Variants in DRAXIN observed in about 807,000 individuals in gnomAD.
DRAXIN encodes dorsal repulsive axon guidance protein.
In DRAXIN, 27 loss-of-function variants were observed where a neutral mutation model predicts 33.9. The ratio of observed to expected loss-of-function variants is 0.80; its 90% CI spans 0.59 to 1.10. The LOEUF is 1.10. Among genes scored for constraint, DRAXIN ranks in the 50% least tolerant of loss-of-function variants. The pLI is 0.00. For synonymous variants in DRAXIN, 178 were observed against 194.0 expected, an observed-to-expected ratio of 0.92 and a Z score of 0.69; for missense variants, 371 against 460.8, an observed-to-expected ratio of 0.81 and a Z score of 1.78.
intron 1 of DRAXIN, among the ~76,000 whole-genome samples, chr1:11,698,718 A>G (rs1462702545): frequency 6.6e-6 from 1 of 152,164 alleles, no homozygotes; most frequent in South Asian, 2.1e-4. Flanking sequence ...TTAGCCTGGC[A>G]TGATGGTTTG....
rs929967478 is a variant in DRAXIN at position 11,721,329 on chromosome 1, C to A, written c.*1633C>A. 1.3e-5 allele frequency: 2 copies of A among 152,204 alleles called. No individual in the cohort carries two copies. The highest frequency in any genetic ancestry group is 4.8e-5 in the African/African-American group (2 of 41,430). The allele number at this position is 152,204 out of a possible 1,614,324, so 9.4% of individuals were successfully genotyped here. ...ACAGGCCAGACTCACAATGCCCACC[C>A]AGGACATCTGTCCCAGCAGATCTGG... On this transcript the variant is annotated 3_prime_UTR_variant, in exon 7 of 7. Transcript: ENST00000294485.
rs565872833 is a variant in DRAXIN at position 11,707,076 on chromosome 1, C to A, written c.451+367C>A. 5.9e-5 allele frequency among the ~76,000 whole-genome samples: 9 copies of A among 152,276 alleles called. No individual in the cohort carries two copies. In the East Asian group the frequency reaches 1.7e-3, roughly 29 times the overall value. ...ATTAGCCGGGCGCGATGGTGGGCGC[C>A]TGTAGTCCCAGCTACTTGGAAGGCT... On this transcript the variant is annotated intron_variant, in intron 2 of 6. Coordinates refer to ENST00000294485, the MANE Select transcript of DRAXIN (RefSeq NM_198545.4).
At chr1:11,702,545 C>G (rs1641310295) in intron 1 of DRAXIN, among the ~76,000 whole-genome samples, 1 of 151,894 alleles carries the variant, frequency 6.6e-6, no homozygotes, top group South Asian at 2.1e-4. Flanking sequence ...TCCACACACA[C>G]ACATGCTAAC....
Position 11,723,920 on chromosome 1 carries a change from T to C in DRAXIN, c.*4224T>C, listed in dbSNP as rs1376827385. On this transcript the variant is annotated 3_prime_UTR_variant, in exon 7 of 7. Transcript: ENST00000294485. Reference sequence around the variant, plus strand: ...TGAACGCAGAATTCTTATAAGGTGTTTAGAACAGTGCCTAGCACCTAATAA... The same window carrying C: ...TGAACGCAGAATTCTTATAAGGTGTCTAGAACAGTGCCTAGCACCTAATAA... The C allele has an allele frequency of 6.6e-6, 1 of 152,148 alleles. No homozygotes were observed. The highest frequency in any genetic ancestry group is 1.5e-5 in the Non-Finnish European group (1 of 68,014). The allele number at this position is 152,148 out of a possible 1,614,324, so 9.4% of individuals were successfully genotyped here.
Position 11,706,750 on chromosome 1 carries a change from C to A in DRAXIN, c.451+41C>A. ...CGAGGGGTGGGGATGGGGGTGATTC[C>A]TGCCATGGACTGAGGGGAGCAGGAG... On this transcript the variant is annotated intron_variant, in intron 2 of 6. Coordinates refer to ENST00000294485, the MANE Select transcript of DRAXIN (RefSeq NM_198545.4). This position sits in a 1 kb window ranked among gnomAD's most constrained non-coding sequence, Gnocchi z 5.5. 1 of 1,494,696 alleles carries A rather than the reference C, an allele frequency of 6.7e-7. No homozygotes were observed. The highest frequency in any genetic ancestry group is 8.9e-7 in the Non-Finnish European group (1 of 1,123,180). The allele number at this position is 1,494,696 out of a possible 1,614,324, so 92.6% of individuals were successfully genotyped here.
At chr1:11,699,525 A>T (rs533523730) in intron 1 of DRAXIN, among the ~76,000 whole-genome samples, 1 of 152,176 alleles carries the variant, frequency 6.6e-6, no homozygotes, top group East Asian at 1.9e-4. Context: ...ACAGGGACTT[A>T]CTATGTTGTC....
Position 11,712,338 on chromosome 1 carries a change from A to C in DRAXIN, c.758-2A>C. ...TCTGACGACAGATCTTCTTATCCCC[A>C]GAGAAACACCGCGGTAAACTCTCCA... On this transcript the variant is annotated splice_acceptor_variant, in intron 4 of 6. Coordinates refer to ENST00000294485, the MANE Select transcript of DRAXIN (RefSeq NM_198545.4). LOFTEE classifies it high-confidence loss of function. The C allele has an allele frequency of 6.2e-7, 1 of 1,614,006 alleles. No homozygotes were observed. Among genetic ancestry groups the C allele is most frequent in the Non-Finnish European group, 8.5e-7 (1 of 1,179,966 alleles).
chr1:11,717,828 C>CA (rs70983586), intron 6 of DRAXIN, among the ~76,000 whole-genome samples: 79,022 of 109,990 alleles, frequency 0.72, 28,499 homozygotes, highest in South Asian at 0.84. Flanking sequence ...ACCAAAAATA[C>CA]AAAAAAAAAA....
chr1:11,699,724 C>T (rs1470838265), intron 1 of DRAXIN, among the ~76,000 whole-genome samples: 1 of 151,602 alleles, frequency 6.6e-6, no homozygotes, highest in Non-Finnish European at 1.5e-5. Flanking sequence ...GTCAGGAGTT[C>T]GAGACCAGCC....
intron 1 of DRAXIN, among the ~76,000 whole-genome samples, chr1:11,695,114 G>A (rs774167274): frequency 1.1e-4 from 16 of 152,182 alleles, no homozygotes; most frequent in Non-Finnish European, 2.1e-4. Context: ...ATGAGGAGCA[G>A]TCTCGGCCAG....
intron 5 of DRAXIN, among the ~76,000 whole-genome samples, chr1:11,713,284 C>T (rs565305580): frequency 2.9e-4 from 44 of 152,184 alleles, no homozygotes; most frequent in Non-Finnish European, 5.4e-4. Flanking sequence ...CCCAAGGTCA[C>T]ACGGTTAAGA....
In DRAXIN at chr1:11,692,847, T is replaced by A. The variant is rs907364998; in HGVS notation, c.-11+994T>A. On this transcript the variant is annotated intron_variant, in intron 1 of 6. Coordinates refer to ENST00000294485, the MANE Select transcript of DRAXIN (RefSeq NM_198545.4). The surrounding 1 kb of genome is among the most constrained non-coding windows in gnomAD (Gnocchi z 5.8). ...AATGCACCTCTCTGAGCCTCAGTGT[T>A]CCTGTCACAAAACAGGGATGGTGCT... Among the ~76,000 whole-genome samples the A allele has an allele frequency of 2.0e-5, 3 of 152,084 alleles. No homozygotes were observed. The highest frequency in any genetic ancestry group is 4.4e-5 in the Non-Finnish European group (3 of 68,014).
rs1003137757 is a variant in DRAXIN at position 11,705,486 on chromosome 1, C to G, written c.-10-763C>G. 1.3e-5 allele frequency among the ~76,000 whole-genome samples: 2 copies of G among 152,066 alleles called. No individual in the cohort carries two copies. Among genetic ancestry groups the G allele is most frequent in the Admixed American group, 1.3e-4 (2 of 15,272 alleles). ...AAAGCTGTTCCCAAAGCCCCTCCCCCAGGGGAAGGGACAGTGTCAGAACAT... is the reference window on the plus strand; with the variant it reads ...AAAGCTGTTCCCAAAGCCCCTCCCCGAGGGGAAGGGACAGTGTCAGAACAT... On this transcript the variant is annotated intron_variant, in intron 1 of 6. Coordinates refer to ENST00000294485, the MANE Select transcript of DRAXIN (RefSeq NM_198545.4). This position sits in a 1 kb window ranked among gnomAD's most constrained non-coding sequence, Gnocchi z 4.8.
At chr1:11,690,814 G>A (rs1641048116), upstream of DRAXIN, among the ~76,000 whole-genome samples, 1 of 152,150 alleles carries the variant, frequency 6.6e-6, no homozygotes. This position sits in a 1 kb window ranked among gnomAD's most constrained non-coding sequence, Gnocchi z 4.2. Context: ...AGGACACGGC[G>A]CCCCGCGCGG....
intron 3 of DRAXIN, 22 bp from the exon 4 acceptor site, chr1:11,711,829 C>T (rs1346605200): frequency 2.9e-5 from 47 of 1,595,626 alleles, no homozygotes; most frequent in Non-Finnish European, 3.9e-5. Context: ...GTTCCAACAT[C>T]CCCCTTCTCC....
rs1641693440 is a variant in DRAXIN, at chr1:11,724,122, G to A, written c.*4426G>A. ...CTCTATTAGAAAGGGTCAGGGTACG[G>A]TTCCATGGTCAGAGAGGTTTGGAAA... On this transcript the variant is annotated 3_prime_UTR_variant, in exon 7 of 7. Coordinates refer to ENST00000294485, the MANE Select transcript of DRAXIN (RefSeq NM_198545.4). The A allele has an allele frequency of 6.6e-6, 1 of 152,202 alleles. No individual in the cohort carries two copies. The highest frequency in any genetic ancestry group is 2.1e-4 in the South Asian group (1 of 4,830). The allele number at this position is 152,202 out of a possible 1,614,324, so 9.4% of individuals were successfully genotyped here. A position where few individuals can be genotyped will look rare whatever the true frequency, so the allele number is the denominator to read the frequency against.
chr1:11,693,792 C>A (rs1641144463), intron 1 of DRAXIN, among the ~76,000 whole-genome samples: 1 of 152,186 alleles, frequency 6.6e-6, no homozygotes, highest in Non-Finnish European at 1.5e-5. Flanking sequence ...GCTCTCTCCG[C>A]TGCCTTCCTC....
At chr1:11,713,410 G>A (rs185693911) in intron 5 of DRAXIN, among the ~76,000 whole-genome samples, 1 of 152,308 alleles carries the variant, frequency 6.6e-6, no homozygotes, top group African/African-American at 2.4e-5. Context: ...GCTTAATGCT[G>A]TCCTTGTCCC....
chr1:11,696,148 C>T lies in DRAXIN; in HGVS notation c.-11+4295C>T, dbSNP rs995133424. Among the ~76,000 whole-genome samples the T allele has an allele frequency of 2.0e-5, 3 of 152,196 alleles. No individual in the cohort carries two copies. The highest frequency in any genetic ancestry group is 4.4e-5 in the Non-Finnish European group (3 of 68,044). On this transcript the variant is annotated intron_variant, in intron 1 of 6. Transcript: ENST00000294485. The surrounding 1 kb of genome is among the most constrained non-coding windows in gnomAD (Gnocchi z 4.7). Reference sequence around the variant, plus strand: ...AGCCACCTGCGCCTGCCCCTTTGCACACCCAGGCACAGATGCACAAATGCT... The same window carrying T: ...AGCCACCTGCGCCTGCCCCTTTGCATACCCAGGCACAGATGCACAAATGCT...
Sources: allele counts gnomAD v4.1 joint callset (sites outside exome capture counted in the v4.1 genomes callset), GRCh38; gene constraint gnomAD v4.1.1; non-coding constraint Gnocchi (gnomAD v3.1); transcripts MANE v1.5; gene names NCBI Gene and HGNC (gene_info 2026-07-23, HGNC 2026-07-21).